Variants in USP34 observed in about 807,000 individuals in gnomAD.
USP34 encodes ubiquitin carboxyl-terminal hydrolase 34.
In USP34, 70 loss-of-function variants were observed where a neutral mutation model predicts 460.3. That is an observed-to-expected ratio of 0.15 (90% CI 0.13 to 0.19). The LOEUF (loss-of-function observed/expected upper bound fraction) is 0.19, where lower values mean the gene tolerates loss of function less well. Ranked by LOEUF, USP34 falls within the 10% of genes least tolerant of loss-of-function variation. The probability of loss-of-function intolerance (pLI) is 1.00; values close to 1 mark genes in which losing one functional copy is unlikely to be tolerated. For missense variants in USP34, 3,985 were observed against 4,236.2 expected, an observed-to-expected ratio of 0.94 and a Z score of 1.65; for synonymous variants, 1,647 against 1,405.3, an observed-to-expected ratio of 1.17 and a Z score of -3.85.
intron 41 of USP34, among the ~76,000 whole-genome samples, chr2:61,269,838 T>A (rs1488081534): frequency 6.6e-6 from 1 of 152,106 alleles, no homozygotes; most frequent in African/African-American, 2.4e-5. Context: ...TTTTGACACA[T>A]AAATACAATG....
intron 61 of USP34, 137 bp downstream of exon 61, chr2:61,228,508 A>G: frequency 1.5e-6 from 1 of 661,886 alleles, no homozygotes; most frequent in East Asian, 2.7e-5. Context: ...ACATCAACCA[A>G]TCTTAGACCC....
In USP34 at chr2:61,239,688, G is replaced by C. The variant is rs1688188196; in HGVS notation, c.6777+1872C>G. On this transcript the variant is annotated intron_variant, in intron 53 of 79. Transcript: ENST00000398571. ...GGAATTGAAAAAAGACAACATTCCT[G>C]GCTTTTTACCATTAACACATGTGCA... Among the ~76,000 whole-genome samples the C allele has an allele frequency of 2.0e-5, 3 of 152,000 alleles. No homozygotes were observed. The South Asian group carries it at 6.2e-4, about 32-fold the overall frequency.
At chr2:61,395,289 A>C in intron 3 of USP34, 56 bp from the exon 4 acceptor site, 4 of 1,051,448 alleles carry the variant, frequency 3.8e-6, no homozygotes, top group Non-Finnish European at 5.7e-6. Flanking sequence ...ACCTTTAAAA[A>C]ATACAATTCT....
At chr2:61,402,603 G>C (rs1412423530) in intron 3 of USP34, among the ~76,000 whole-genome samples, 7 of 152,134 alleles carry the variant, frequency 4.6e-5, no homozygotes, top group African/African-American at 1.7e-4. Context: ...GGTTTCTAAA[G>C]ACACAGCTAT....
rs567969466 is a variant in USP34 at position 61,223,085 on chromosome 2, C to T, written c.7724G>A (p.Arg2575Gln). Reference protein sequence around the residue: ...QTCNLIFSLCRYNNRLAEHIV... With the variant: ...QTCNLIFSLCQYNNRLAEHIV... ...ATGTTCTGCAAGTCGATTATTGTAT[C>T]GACACAGGCTGAAAATCAGATTACA... The change falls in exon 64 of 80, where the codon CGA (arginine) becomes CAA (glutamine). Residue 2575 changes from arginine (R) to glutamine (Q), a missense_variant. Transcript: ENST00000398571. 21 of 1,613,614 alleles carry T rather than the reference C, an allele frequency of 1.3e-5. No homozygotes were observed. The highest frequency in any genetic ancestry group is 1.5e-5 in the Non-Finnish European group (18 of 1,179,658).
chr2:61,429,530 G>C (rs1330950181), intron 1 of USP34, among the ~76,000 whole-genome samples: 3 of 152,268 alleles, frequency 2.0e-5, no homozygotes, highest in Admixed American at 2.0e-4. Flanking sequence ...AGGAGGCTGA[G>C]GTGAATGAGT....
intron 41 of USP34, 126 bp from the exon 42 acceptor site, chr2:61,266,293 C>A: frequency 1.3e-5 from 11 of 869,340 alleles, no homozygotes; most frequent in Non-Finnish European, 1.8e-5. Flanking sequence ...GCATGATATA[C>A]CATCATCTGA....
At chr2:61,220,171 AAAAAAAAAAAAG>A in intron 67 of USP34, 127 bp downstream of exon 67, 5 of 435,054 alleles carry the variant, frequency 1.1e-5, no homozygotes, top group South Asian at 7.1e-5. Context: ...AAAAAAAAAA[AAAAAAAAAAAAG>A]GAAATAACAT....
At chr2:61,310,052 C>T (rs1690539895) in intron 27 of USP34, among the ~76,000 whole-genome samples, 2 of 152,004 alleles carry the variant, frequency 1.3e-5, no homozygotes, top group African/African-American at 2.4e-5. Flanking sequence ...AAAACAAATT[C>T]AAAAATCAAG....
At chr2:61,402,741 GAA>G (rs1318793098) in intron 3 of USP34, among the ~76,000 whole-genome samples, 1 of 152,038 alleles carries the variant, frequency 6.6e-6, no homozygotes, top group African/African-American at 2.4e-5. Flanking sequence ...GCAGCACAAA[GAA>G]AAGACTAGAT....
In USP34 at chr2:61,214,218, C is replaced by T. The variant is rs764155340; in HGVS notation, c.8524G>A (p.Asp2842Asn). ...NYILADHDDQDVVLFNRGMLP... is the reference protein window; with the variant it reads ...NYILADHDDQNVVLFNRGMLP... ...ATCCCACGGTTAAAAAGCACCACAT[C>T]CTGATCATCATGGTCAGCAAGGATG... The change falls in exon 68 of 80, where the codon GAT (aspartate) becomes AAT (asparagine). Residue 2842 changes from aspartate to asparagine, a missense_variant. By Grantham distance (23) the Asp-to-Asn change is conservative. Coordinates refer to ENST00000398571, the MANE Select transcript of USP34 (RefSeq NM_014709.4). 1 of 1,614,208 alleles carries T rather than the reference C, an allele frequency of 6.2e-7. No homozygotes were observed. The highest frequency in any genetic ancestry group is 2.2e-5 in the East Asian group (1 of 44,890).
In USP34 at chr2:61,420,850, A is replaced by G; in HGVS notation, c.44-17T>C. The G allele has an allele frequency of 6.3e-7, 1 of 1,588,290 alleles. No individual in the cohort carries two copies. Among genetic ancestry groups the G allele is most frequent in the Non-Finnish European group, 8.6e-7 (1 of 1,163,964 alleles). On this transcript the variant is annotated splice_polypyrimidine_tract_variant and intron_variant, in intron 1 of 79. Transcript: ENST00000398571. Reference sequence around the variant, plus strand: ...CATCTGATACTGAAATAAAAAAGAAATTTTAAAATTATGAATAATGCTAAA... The same window carrying G: ...CATCTGATACTGAAATAAAAAAGAAGTTTTAAAATTATGAATAATGCTAAA...
intron 33 of USP34, among the ~76,000 whole-genome samples, chr2:61,293,141 C>G (rs1689913858): frequency 6.6e-6 from 1 of 151,634 alleles, no homozygotes; most frequent in Non-Finnish European, 1.5e-5. Context: ...TTTGAAAAAA[C>G]TAAGATGTAA....
chr2:61,278,066 A>G, intron 41 of USP34, 99 bp downstream of exon 41: 2 of 1,393,890 alleles, frequency 1.4e-6, no homozygotes, highest in Non-Finnish European at 2.0e-6. Flanking sequence ...AGTCTCGGGT[A>G]TGCCTTTATG....
At position 61,294,955 on chromosome 2, in the gene USP34, A is replaced by G. The variant is rs370193800; in HGVS notation, c.4455T>C (p.Ser1485=). Residue 1485 remains serine, a synonymous_variant, in exon 32 of 80, where the codon AGT becomes AGC. Transcript: ENST00000398571. ...AAAACACATATGATCAAACCTTGCAACTCCAGGAATTTTTACTATTTTCCA... is the reference window on the plus strand; with the variant it reads ...AAAACACATATGATCAAACCTTGCAGCTCCAGGAATTTTTACTATTTTCCA... ...DQVENSKNSW[S]CKFVAAGGLQ... 2.5e-5 allele frequency: 40 copies of G among 1,610,792 alleles called. No individual in the cohort carries two copies. Among genetic ancestry groups the G allele is most frequent in the Non-Finnish European group, 3.1e-5 (37 of 1,178,692 alleles).
At chr2:61,392,916 CA>C (rs1693399182) in intron 5 of USP34, among the ~76,000 whole-genome samples, 2 of 152,074 alleles carry the variant, frequency 1.3e-5, no homozygotes, top group African/African-American at 4.8e-5. Flanking sequence ...CAGAGAATGC[CA>C]AAGTACATAA....
chr2:61,445,176 C>CA (rs1218599414), intron 1 of USP34, among the ~76,000 whole-genome samples: 26 of 97,010 alleles, frequency 2.7e-4, no homozygotes, highest in East Asian at 8.7e-4. Context: ...AACACACACA[C>CA]ACAAAAAAAT....
chr2:61,302,413 T>G (rs369816107), intron 27 of USP34, among the ~76,000 whole-genome samples: 3 of 152,236 alleles, frequency 2.0e-5, no homozygotes, highest in African/African-American at 7.2e-5. Flanking sequence ...ACGAGTCATA[T>G]TGGCAATTTG....
At chr2:61,444,545 A>G (rs964170396) in intron 1 of USP34, among the ~76,000 whole-genome samples, 3 of 152,244 alleles carry the variant, frequency 2.0e-5, no homozygotes, top group African/African-American at 4.8e-5. Flanking sequence ...AAATTTTTAA[A>G]AAACTCACAT....
Sources: allele counts gnomAD v4.1 joint callset (sites outside exome capture counted in the v4.1 genomes callset), GRCh38; gene constraint gnomAD v4.1.1; transcripts MANE v1.5; gene names NCBI Gene and HGNC (gene_info 2026-07-23, HGNC 2026-07-21).